The following ARFGEF3 variants were observed in gnomAD, a reference collection of about 807,000 sequenced individuals.
ARFGEF3 encodes the protein brefeldin A-inhibited guanine nucleotide-exchange protein 3.
A neutral mutation model predicts 221.7 loss-of-function variants in ARFGEF3; 96 were observed. The observed-to-expected ratio is 0.43, with a 90% CI of 0.37 to 0.51. The LOEUF (loss-of-function observed/expected upper bound fraction) is 0.51. Among genes scored for constraint, ARFGEF3 ranks in the 20% least tolerant of loss-of-function variants. The pLI is 0.00. For synonymous variants in ARFGEF3, 1,145 were observed against 1,126.8 expected (o/e 1.02, Z -0.32); for missense variants, 2,410 against 2,789.9 (o/e 0.86, Z 3.07).
intron 3 of ARFGEF3, among the ~76,000 whole-genome samples, chr6:138,208,308 A>G (rs1412830432): frequency 6.6e-6 from 1 of 152,112 alleles, no homozygotes; most frequent in Admixed American, 6.6e-5. Flanking sequence ...CTCAGTTTTT[A>G]TCACTTTAAG....
At chr6:138,174,975 A>T (rs1335623494) in intron 2 of ARFGEF3, among the ~76,000 whole-genome samples, 1 of 152,214 alleles carries the variant, frequency 6.6e-6, no homozygotes, top group Non-Finnish European at 1.5e-5. Context: ...GATTGCTCTA[A>T]GGACTTTTGA....
intron 32 of ARFGEF3, among the ~76,000 whole-genome samples, chr6:138,333,707 G>A (rs968922706): frequency 2.0e-5 from 3 of 152,152 alleles, no homozygotes; most frequent in African/African-American, 4.8e-5. Context: ...CTTCCAAAGT[G>A]CTGGGATTAC....
At chr6:138,301,325 T>C (rs1017768511) in intron 22 of ARFGEF3, among the ~76,000 whole-genome samples, 1 of 152,230 alleles carries the variant, frequency 6.6e-6, no homozygotes, top group Non-Finnish European at 1.5e-5. Flanking sequence ...TTAAGAATAG[T>C]GGGAGTCTGA....
intron 12 of ARFGEF3, among the ~76,000 whole-genome samples, chr6:138,266,721 C>T (rs1410651966): frequency 2.6e-5 from 4 of 151,526 alleles, no homozygotes; most frequent in South Asian, 2.1e-4. Context: ...TGGTGGCAGG[C>T]GCCTGTAGTC....
chr6:138,163,870 A>C (rs1776668082), intron 1 of ARFGEF3, among the ~76,000 whole-genome samples: 1 of 152,204 alleles, frequency 6.6e-6, no homozygotes, highest in Non-Finnish European at 1.5e-5. Context: ...GGATTGGGCA[A>C]ACCAGGAAAA....
intron 8 of ARFGEF3, among the ~76,000 whole-genome samples, chr6:138,247,789 C>T (rs889595003): frequency 6.6e-6 from 1 of 152,106 alleles, no homozygotes; most frequent in Non-Finnish European, 1.5e-5. Flanking sequence ...TCATATAAAA[C>T]GCATTCATGT....
At position 138,263,539 on chromosome 6, in the gene ARFGEF3, C is replaced by T. The variant is rs557965026; in HGVS notation, c.2056C>T (p.Arg686Trp). 3 of 1,613,278 alleles carry T rather than the reference C, an allele frequency of 1.9e-6. No homozygotes were observed. The highest frequency in any genetic ancestry group is 1.1e-5 in the South Asian group (1 of 91,086). The stretch of plus-strand genomic sequence containing the variant: ...ACAGTCCCTGGAAGGCCTCCTCCCT[C>T]GGCTCCTGTCTCTCTCCAATGTAGA... ...FIQSLEGLLP[R>W]LLSLSNVEEV... is the part of the protein sequence containing the mutation. Residue 686 changes from arginine (R) to tryptophan (W), a missense_variant, in exon 12 of 34, where the codon CGG becomes TGG. Arg to Trp is a moderately radical substitution (Grantham distance 101, BLOSUM62 -3). Around this residue, in one of 5 missense-constraint regions of ARFGEF3, gnomAD observed 594 missense variants for 734.3 expected, o/e 0.81. Transcript: ENST00000251691.
intron 32 of ARFGEF3, 92 bp from the exon 33 acceptor site, chr6:138,333,878 G>C (rs1197523536): frequency 1.4e-5 from 20 of 1,393,832 alleles, no homozygotes; most frequent in Non-Finnish European, 4.8e-6. Flanking sequence ...AATTTGCATA[G>C]ATCGTTCTGA....
At chr6:138,244,598 C>T (rs986121673) in intron 7 of ARFGEF3, among the ~76,000 whole-genome samples, 17 of 152,202 alleles carry the variant, frequency 1.1e-4, no homozygotes, top group African/African-American at 3.9e-4. Context: ...TTGCTGGAAA[C>T]TAGAACACAT....
In ARFGEF3 at chr6:138,233,478, G is replaced by A. The variant is rs989634357; in HGVS notation, c.420+3626G>A. On this transcript the variant is annotated intron_variant, in intron 5 of 33. Transcript: ENST00000251691. Reference sequence around the variant, plus strand: ...TGCAACCTACGCCTCCTGGGTTCAAGCGATTCTCCTGCCTCAGCCTCCCGA... The same window carrying A: ...TGCAACCTACGCCTCCTGGGTTCAAACGATTCTCCTGCCTCAGCCTCCCGA... Among the ~76,000 whole-genome samples the A allele has an allele frequency of 4.6e-5, 7 of 152,272 alleles. No individual in the cohort carries two copies. In the East Asian group the frequency reaches 1.4e-3, roughly 29 times the overall value.
At chr6:138,258,626 A>G (rs1365866310) in intron 10 of ARFGEF3, among the ~76,000 whole-genome samples, 1 of 152,236 alleles carries the variant, frequency 6.6e-6, no homozygotes, top group East Asian at 1.9e-4. Flanking sequence ...TCACAATAGA[A>G]TGGGGAACAA....
In ARFGEF3 at chr6:138,229,789, A is replaced by G. The variant is rs767086732; in HGVS notation, c.357A>G (p.Leu119=). The G allele has an allele frequency of 6.2e-7, 1 of 1,613,234 alleles. No individual in the cohort carries two copies. The highest frequency in any genetic ancestry group is 8.5e-7 in the Non-Finnish European group (1 of 1,179,264). The stretch of plus-strand genomic sequence containing the variant: ...CATCTCTCACCTTGTTAAAGGTTTT[A>G]CTATGCATCACCTACACGCCAACAT... ...EDLQVEVMKV[L]LCITYTPTFD... Residue 119 remains leucine (L), a synonymous_variant, in exon 5 of 34, where the codon TTA becomes TTG. Coordinates refer to ENST00000251691, the MANE Select transcript of ARFGEF3 (RefSeq NM_020340.5).
intron 9 of ARFGEF3, 125 bp downstream of exon 9, chr6:138,254,109 T>G: frequency 1.7e-6 from 1 of 602,136 alleles, no homozygotes; most frequent in Non-Finnish European, 2.8e-6. Flanking sequence ...TGCGTAAATG[T>G]CTTAGAGGGA....
intron 8 of ARFGEF3, among the ~76,000 whole-genome samples, chr6:138,249,544 T>G (rs1313316867): frequency 6.6e-6 from 1 of 152,206 alleles, no homozygotes; most frequent in Non-Finnish European, 1.5e-5. Context: ...TTGGCTAGGC[T>G]GGTCTCTTGG....
At chr6:138,241,728 T>C (rs942148182) in intron 6 of ARFGEF3, among the ~76,000 whole-genome samples, 1 of 152,204 alleles carries the variant, frequency 6.6e-6, no homozygotes, top group African/African-American at 2.4e-5. Flanking sequence ...AAATAAATAA[T>C]GTAGAATGCC....
intron 8 of ARFGEF3, among the ~76,000 whole-genome samples, chr6:138,247,627 G>T (rs919417394): frequency 1.3e-5 from 2 of 152,148 alleles, no homozygotes; most frequent in Non-Finnish European, 2.9e-5. Flanking sequence ...ATCTTTGTTG[G>T]ATTACCTGGG....
At chr6:138,190,211 A>G (rs1562347399) in intron 2 of ARFGEF3, among the ~76,000 whole-genome samples, 1 of 151,790 alleles carries the variant, frequency 6.6e-6, no homozygotes, top group East Asian at 1.9e-4. Context: ...ACCAAGCAGG[A>G]TAAACATGTT....
intron 8 of ARFGEF3, among the ~76,000 whole-genome samples, chr6:138,250,969 C>T (rs1778571375): frequency 1.3e-5 from 2 of 152,184 alleles, no homozygotes; most frequent in Non-Finnish European, 2.9e-5. Flanking sequence ...ATGCTGCGTA[C>T]GTGCGTGTGT....
intron 3 of ARFGEF3, among the ~76,000 whole-genome samples, chr6:138,209,307 C>T (rs1777678785): frequency 6.6e-6 from 1 of 152,134 alleles, no homozygotes; most frequent in Non-Finnish European, 1.5e-5. Context: ...GGCTAGCTTC[C>T]TCTTAGCACG....
Sources: allele counts gnomAD v4.1 joint callset (sites outside exome capture counted in the v4.1 genomes callset), GRCh38; gene constraint gnomAD v4.1.1; regional missense constraint gnomAD v4.1.1; transcripts MANE v1.5; gene names NCBI Gene and HGNC (gene_info 2026-07-23, HGNC 2026-07-21).